The following CASC3 variants were observed in gnomAD, a reference collection of about 807,000 sequenced individuals.
CASC3 encodes the protein CASC3 exon junction complex subunit, also known as protein CASC3.
In CASC3, 30 loss-of-function variants were observed where a neutral mutation model predicts 80.5. The ratio of observed to expected loss-of-function variants is 0.37; its 90% CI spans 0.28 to 0.51. The LOEUF is 0.51. CASC3 is among the 20% of genes least tolerant of loss of function. The pLI is 0.94. For missense variants in CASC3, 824 were observed against 922.2 expected, an observed-to-expected ratio of 0.89 and a Z score of 1.38; for synonymous variants, 312 against 333.6, an observed-to-expected ratio of 0.94 and a Z score of 0.70.
chr17:40,165,956 G>T (rs1401643720), intron 7 of CASC3, among the ~76,000 whole-genome samples: 1 of 140,390 alleles, frequency 7.1e-6, no homozygotes, highest in Non-Finnish European at 1.5e-5. Flanking sequence ...TTGAAAAGAC[G>T]GGGGGTCTCA....
chr17:40,171,742 C>T lies in CASC3; in HGVS notation c.*1337C>T, dbSNP rs542315783. The stretch of plus-strand genomic sequence containing the variant: ...TAACCTGGCCACTGTCCCTGTCCTT[C>T]TACAGAACCTGAGGGCAAAGATGGT... On this transcript the variant is annotated 3_prime_UTR_variant, in exon 14 of 14. Coordinates refer to ENST00000264645, the MANE Select transcript of CASC3 (RefSeq NM_007359.5). 5.2e-6 allele frequency: 6 copies of T among 1,147,730 alleles called. No individual in the cohort carries two copies. The highest frequency in any genetic ancestry group is 1.9e-5 in the South Asian group (1 of 52,086). The allele number at this position is 1,147,730 out of a possible 1,614,324, so 71.1% of individuals were successfully genotyped here.
rs182390465 is a variant in CASC3, at chr17:40,146,075, T to C, written c.297+4468T>C. Reference sequence around the variant, plus strand: ...TGTATTAAAGAATATCCCAGGTTGATGCTATGTACTGTAAAATTTGAGGAT... The same window carrying C: ...TGTATTAAAGAATATCCCAGGTTGACGCTATGTACTGTAAAATTTGAGGAT... On this transcript the variant is annotated intron_variant, in intron 3 of 13. Transcript: ENST00000264645. Among the ~76,000 whole-genome samples, 18 of 152,320 alleles carry C rather than the reference T, an allele frequency of 1.2e-4. No homozygotes were observed. In the East Asian group the frequency reaches 3.3e-3, roughly 28 times the overall value.
At chr17:40,153,346 C>G (rs1399719953) in intron 3 of CASC3, among the ~76,000 whole-genome samples, 1 of 152,034 alleles carries the variant, frequency 6.6e-6, no homozygotes, top group Non-Finnish European at 1.5e-5. Context: ...GAATTAGATT[C>G]CATTGTTCGT....
chr17:40,166,779 T>A lies in CASC3; in HGVS notation c.1472-18T>A, dbSNP rs375416237. ...CGTATGTCTGATCTGCAGAAGTGAC[T>A]TTTTTGGTGTATTACAGGTATGCCC... On this transcript the variant is annotated intron_variant, in intron 7 of 13. Coordinates refer to ENST00000264645, the MANE Select transcript of CASC3 (RefSeq NM_007359.5). 6 of 1,575,664 alleles carry A rather than the reference T, an allele frequency of 3.8e-6. No homozygotes were observed. In the African/African-American group the frequency reaches 5.5e-5, roughly 14 times the overall value.
chr17:40,166,724 T>G lies in CASC3; in HGVS notation c.1472-73T>G, dbSNP rs1171158891. ...TTCCTTATGTTGACACTTAAACCTG[T>G]CTCTTGATAGTATCTTTGAGTCCCA... On this transcript the variant is annotated intron_variant, in intron 7 of 13. Transcript: ENST00000264645. 1.3e-5 allele frequency: 13 copies of G among 987,732 alleles called. No individual in the cohort carries two copies. In the South Asian group the frequency reaches 2.0e-4, roughly 15 times the overall value. 61.2% of individuals were successfully genotyped at this position (987,732 alleles called of 1,614,324 possible). A position where few individuals can be genotyped will look rare whatever the true frequency, so the allele number is the denominator to read the frequency against.
intron 3 of CASC3, among the ~76,000 whole-genome samples, chr17:40,151,084 A>C (rs1236158842): frequency 6.6e-6 from 1 of 152,144 alleles, no homozygotes; most frequent in African/African-American, 2.4e-5. Context: ...ATTTATTTAT[A>C]AAGTGCATAA....
At chr17:40,167,715 G>T (rs184033853) in intron 9 of CASC3, 103 bp downstream of exon 9, 1 of 1,226,826 alleles carries the variant, frequency 8.2e-7, no homozygotes, top group Non-Finnish European at 1.2e-6. Context: ...TCTTATAGTG[G>T]TTATCAAACA....
chr17:40,165,853 C>T (rs1239344830), intron 7 of CASC3, among the ~76,000 whole-genome samples: 3 of 151,358 alleles, frequency 2.0e-5, no homozygotes, highest in Non-Finnish European at 4.4e-5. Context: ...GCAACCTCCG[C>T]CTCCAGGGCT....
chr17:40,168,451 C>G, intron 11 of CASC3, 34 bp downstream of exon 11: 1 of 1,570,178 alleles, frequency 6.4e-7, no homozygotes, highest in South Asian at 1.1e-5. Flanking sequence ...TTTCTAGATA[C>G]ACATTCTTTA....
intron 13 of CASC3, 143 bp from the exon 14 acceptor site, chr17:40,170,304 G>A: frequency 2.9e-6 from 1 of 343,574 alleles, no homozygotes; most frequent in Non-Finnish European, 4.1e-6. Flanking sequence ...TAGAGGAGAA[G>A]GACTGGGGGT....
Position 40,163,468 on chromosome 17 carries a change from C to G in CASC3, c.786-13C>G. 6.3e-7 allele frequency: 1 copy of G among 1,592,800 alleles called. No individual in the cohort carries two copies. The highest frequency in any genetic ancestry group is 8.5e-7 in the Non-Finnish European group (1 of 1,170,660). ...TTAATTTCCTAACAGTTTCTTCATT[C>G]CATTTTTTGTAGATATGGGAGTCCT... On this transcript the variant is annotated splice_polypyrimidine_tract_variant and intron_variant, in intron 6 of 13. Coordinates refer to ENST00000264645, the MANE Select transcript of CASC3 (RefSeq NM_007359.5).
At position 40,140,706 on chromosome 17, in the gene CASC3, G is replaced by T; in HGVS notation, c.158G>T (p.Gly53Val). 1 of 1,576,632 alleles carries T rather than the reference G, an allele frequency of 6.3e-7. No homozygotes were observed. The highest frequency in any genetic ancestry group is 8.6e-7 in the Non-Finnish European group (1 of 1,163,332). Residue 53 changes from glycine to valine, a missense_variant, in exon 1 of 14, where the codon GGA becomes GTA. Physicochemically the swap from Gly to Val is moderately radical, Grantham distance 109. This residue lies in a region of CASC3 where 159 missense variants were observed against 122.2 expected (regional missense o/e 1.30). Transcript: ENST00000264645. Reference protein sequence around the residue: ...GGSGSLPSQRGGRTGALHLRR... With the variant: ...GGSGSLPSQRVGRTGALHLRR... ...AGCGGCTCTCTGCCTTCACAGCGCG[G>T]AGGCCGAACCGGGGCCCTTCATCTG...
intron 3 of CASC3, among the ~76,000 whole-genome samples, chr17:40,154,105 G>GT (rs548654217): frequency 0.076 from 5,786 of 76,568 alleles, 563 homozygotes; most frequent in African/African-American, 0.17. Flanking sequence ...GATGCTGAGC[G>GT]TTTTTTTTTT....
chr17:40,168,559 TG>T, intron 11 of CASC3, 142 bp downstream of exon 11: 1 of 721,142 alleles, frequency 1.4e-6, no homozygotes, highest in Non-Finnish European at 2.3e-6. Flanking sequence ...CGCCTCTTAG[TG>T]GTCAGGAGCT....
rs565562123 is a variant in CASC3, at chr17:40,149,776, C to T, written c.297+8169C>T. Among the ~76,000 whole-genome samples the T allele has an allele frequency of 3.8e-3, 579 of 152,000 alleles. 3 individuals carry two copies. The highest frequency in any genetic ancestry group is 0.012 in the African/African-American group (493 of 41,440). On this transcript the variant is annotated intron_variant, in intron 3 of 13. Coordinates refer to ENST00000264645, the MANE Select transcript of CASC3 (RefSeq NM_007359.5). Reference sequence around the variant, plus strand: ...ATCCCGGCACTTTGGGAGGCCGAGGCGGGCAGATCACGAGGTCAGGAGATC... The same window carrying T: ...ATCCCGGCACTTTGGGAGGCCGAGGTGGGCAGATCACGAGGTCAGGAGATC...
chr17:40,155,650 T>G (rs1482314888), intron 3 of CASC3, among the ~76,000 whole-genome samples: 1 of 152,120 alleles, frequency 6.6e-6, no homozygotes, highest in African/African-American at 2.4e-5. Context: ...ACATTGAGAA[T>G]AAGGATACCA....
chr17:40,151,546 T>A (rs569405734), intron 3 of CASC3, among the ~76,000 whole-genome samples: 9 of 151,886 alleles, frequency 5.9e-5, no homozygotes, highest in Admixed American at 3.3e-4. Context: ...ATAAAAAATT[T>A]AGCCAGGCGT....
chr17:40,158,770 G>A (rs1311498985), intron 3 of CASC3, among the ~76,000 whole-genome samples: 1 of 152,174 alleles, frequency 6.6e-6, no homozygotes, highest in Non-Finnish European at 1.5e-5. Flanking sequence ...GGTTGTACAA[G>A]TTGTCCTTTA....
rs748518961 is a variant in CASC3, at chr17:40,161,019, G to A, written c.298-734G>A. On this transcript the variant is annotated intron_variant, in intron 3 of 13. Transcript: ENST00000264645. ...TTTTGCGACAGAGCCTTGCTCTGTC[G>A]CCCAGGCTGAAGTGCAGTGGCGCAG... 3.2e-4 allele frequency among the ~76,000 whole-genome samples: 48 copies of A among 150,456 alleles called. 1 individual carries two copies. Among genetic ancestry groups the A allele is most frequent in the Middle Eastern group, 3.5e-3 (1 of 286 alleles).
Sources: allele counts gnomAD v4.1 joint callset (sites outside exome capture counted in the v4.1 genomes callset), GRCh38; gene constraint gnomAD v4.1.1; regional missense constraint gnomAD v4.1.1; transcripts MANE v1.5; gene names NCBI Gene and HGNC (gene_info 2026-07-23, HGNC 2026-07-21).